Variants in DMXL2 observed in about 807,000 individuals in gnomAD.
The protein encoded by DMXL2 is dmX-like protein 2.
Under a neutral mutation model 331.1 loss-of-function variants are expected in DMXL2, and 103 were observed. The observed-to-expected ratio is 0.31, with a 90% CI of 0.27 to 0.37. The LOEUF (loss-of-function observed/expected upper bound fraction) is 0.37, where lower values mean the gene tolerates loss of function less well. Ranked by LOEUF, DMXL2 falls within the 10% of genes least tolerant of loss-of-function variation. The probability of loss-of-function intolerance (pLI) is 1.00; values close to 1 mark genes in which losing one functional copy is unlikely to be tolerated. For missense variants in DMXL2, 3,171 were observed against 3,642.9 expected (o/e 0.87, Z 3.33); for synonymous variants, 1,281 against 1,252.1 (o/e 1.02, Z -0.49).
chr15:51,522,059 GATCTCACCAATCTAGC>G (rs2047410914), intron 13 of DMXL2, among the ~76,000 whole-genome samples: 2 of 151,966 alleles, frequency 1.3e-5, no homozygotes, highest in Admixed American at 6.6e-5. Context: ...TGAATGAATG[GATCTCACCAATCTAGC>G]ATCTCACCAA....
intron 13 of DMXL2, among the ~76,000 whole-genome samples, chr15:51,519,743 A>G (rs543983715): frequency 6.7e-6 from 1 of 150,318 alleles, no homozygotes; most frequent in Non-Finnish European, 1.5e-5. Context: ...CCCGAGTTCA[A>G]GTGATTCTCC....
chr15:51,519,501 CTTTAAG>C (rs1297656169), intron 13 of DMXL2, among the ~76,000 whole-genome samples: 1 of 152,022 alleles, frequency 6.6e-6, no homozygotes, highest in Non-Finnish European at 1.5e-5. Flanking sequence ...TCACATATTA[CTTTAAG>C]TTTAAATTTA....
chr15:51,455,824 G>A (rs1168488656), intron 39 of DMXL2, among the ~76,000 whole-genome samples: 1 of 152,088 alleles, frequency 6.6e-6, no homozygotes, highest in Non-Finnish European at 1.5e-5. Context: ...ACTCAACACA[G>A]GCAGTTTTTT....
intron 4 of DMXL2, 106 bp from the exon 5 acceptor site, chr15:51,564,366 T>C: frequency 1.1e-6 from 1 of 877,844 alleles, no homozygotes; most frequent in Non-Finnish European, 1.6e-6. Context: ...ATGTGAAAAG[T>C]AAGCAATATC....
chr15:51,581,036 A>C (rs2051375474), intron 1 of DMXL2, among the ~76,000 whole-genome samples: 2 of 152,166 alleles, frequency 1.3e-5, no homozygotes, highest in South Asian at 4.1e-4. Flanking sequence ...TACTATTACC[A>C]CAATAAAGAT....
rs2040301133 is a variant in DMXL2 at position 51,463,480 on chromosome 15, C to T, written c.7825G>A (p.Ala2609Thr). 1 of 1,593,246 alleles carries T rather than the reference C, an allele frequency of 6.3e-7. No individual in the cohort carries two copies. The highest frequency in any genetic ancestry group is 1.4e-5 in the African/African-American group (1 of 73,704). The change falls in exon 33 of 44, where the codon GCA becomes ACA. Residue 2609 changes from alanine to threonine, a missense_variant. Transcript: ENST00000560891. The part of the protein sequence containing the change: ...NTPFKSRDSS[A>T]FPVKRLWHFL... ...TGCCAAAGTCGTTTGACTGGAAATGCAGAAGAATCCCGGGACCTATTAAAA... is the reference window on the plus strand; with the variant it reads ...TGCCAAAGTCGTTTGACTGGAAATGTAGAAGAATCCCGGGACCTATTAAAA...
At chr15:51,492,451 T>C (rs572995353) in intron 19 of DMXL2, among the ~76,000 whole-genome samples, 1 of 152,344 alleles carries the variant, frequency 6.6e-6, no homozygotes, top group African/African-American at 2.4e-5. Flanking sequence ...AGCTGCCTAA[T>C]ACTGATGCTT....
intron 1 of DMXL2, among the ~76,000 whole-genome samples, chr15:51,607,348 C>G (rs551951670): frequency 6.6e-6 from 1 of 151,954 alleles, no homozygotes; most frequent in Non-Finnish European, 1.5e-5. Flanking sequence ...CCCAGCTACT[C>G]GGGAGGCTGA....
In DMXL2 at chr15:51,616,814, G is replaced by A. The variant is rs150717660; in HGVS notation, c.87+5645C>T. On this transcript the variant is annotated intron_variant, in intron 1 of 43. Transcript: ENST00000560891. ...TAGCCTGGCATGGTGGCACGCACCT[G>A]TAATTCCAGCTACTCAGGAGGCTGA... Among the ~76,000 whole-genome samples the A allele has an allele frequency of 2.3e-3, 342 of 151,900 alleles. 3 individuals are homozygous for A. The highest frequency in any genetic ancestry group is 7.9e-3 in the African/African-American group (329 of 41,428).
At chr15:51,599,314 A>T (rs1248872345) in intron 1 of DMXL2, among the ~76,000 whole-genome samples, 2 of 152,224 alleles carry the variant, frequency 1.3e-5, no homozygotes, top group African/African-American at 4.8e-5. Context: ...TTTAGAAACC[A>T]AGATCTAGAT....
At chr15:51,471,202 T>C in intron 29 of DMXL2, 21 bp downstream of exon 29, 1 of 1,601,174 alleles carries the variant, frequency 6.2e-7, no homozygotes, top group Non-Finnish European at 8.5e-7. Flanking sequence ...TCTTAAAGCT[T>C]GCATTCCTCA....
chr15:51,565,239 C>T, intron 3 of DMXL2, 73 bp from the exon 4 acceptor site: 2 of 878,146 alleles, frequency 2.3e-6, no homozygotes, highest in Non-Finnish European at 3.4e-6. Flanking sequence ...AAAACACTAC[C>T]ATTTTATCAT....
At chr15:51,549,641 T>G (rs966324070) in intron 6 of DMXL2, among the ~76,000 whole-genome samples, 1 of 152,142 alleles carries the variant, frequency 6.6e-6, no homozygotes, top group Non-Finnish European at 1.5e-5. Context: ...GGTTTTTTGA[T>G]TATGGCCATT....
intron 1 of DMXL2, among the ~76,000 whole-genome samples, chr15:51,602,777 C>T (rs2053315841): frequency 6.6e-6 from 1 of 152,184 alleles, no homozygotes; most frequent in Admixed American, 6.5e-5. Flanking sequence ...GAAGGTTGGT[C>T]AAACCTTTCC....
intron 23 of DMXL2, 99 bp from the exon 24 acceptor site, chr15:51,481,722 A>C: frequency 1.7e-6 from 2 of 1,143,304 alleles, no homozygotes; most frequent in Non-Finnish European, 2.4e-6. Flanking sequence ...AAAAAACAAC[A>C]TGTAAATATT....
intron 15 of DMXL2, among the ~76,000 whole-genome samples, chr15:51,513,406 A>T (rs1001122933): frequency 6.6e-6 from 1 of 152,210 alleles, no homozygotes; most frequent in Admixed American, 6.5e-5. Flanking sequence ...TTATAATGAT[A>T]GTGAAATAAA....
At chr15:51,489,770 T>G (rs553102745) in intron 20 of DMXL2, among the ~76,000 whole-genome samples, 3 of 152,208 alleles carry the variant, frequency 2.0e-5, no homozygotes, top group Non-Finnish European at 4.4e-5. Flanking sequence ...TTTAACTTAG[T>G]GCTTCAATAT....
chr15:51,482,237 A>C (rs1476811769), intron 23 of DMXL2, among the ~76,000 whole-genome samples: 2 of 152,218 alleles, frequency 1.3e-5, no homozygotes, highest in Non-Finnish European at 2.9e-5. Flanking sequence ...TTGACTGTAC[A>C]TCCTTAGCAG....
At position 51,564,342 on chromosome 15, in the gene DMXL2, A is replaced by G. The variant is rs1019822229; in HGVS notation, c.365-82T>C. 55 of 1,101,058 alleles carry G rather than the reference A, an allele frequency of 5.0e-5. No individual in the cohort carries two copies. The African/African-American group carries it at 8.6e-4, about 17-fold the overall frequency. The allele number at this position is 1,101,058 out of a possible 1,614,324, so 68.2% of individuals were successfully genotyped here. A position where few individuals can be genotyped will look rare whatever the true frequency, so the allele number is the denominator to read the frequency against. On this transcript the variant is annotated intron_variant, in intron 4 of 43. Coordinates refer to ENST00000560891, the MANE Select transcript of DMXL2 (RefSeq NM_001378457.1). ...CACATGGGCTTCTGTTTAGATCTGT[A>G]AACTATTAATATTATGTGAAAAGTA...
Sources: allele counts gnomAD v4.1 joint callset (sites outside exome capture counted in the v4.1 genomes callset), GRCh38; gene constraint gnomAD v4.1.1; transcripts MANE v1.5; gene names NCBI Gene and HGNC (gene_info 2026-07-23, HGNC 2026-07-21).